Variants in ZNF385C observed in about 807,000 individuals in gnomAD.
ZNF385C encodes the protein CTD-2132N18.2.
In ZNF385C, 28 loss-of-function variants were observed where a neutral mutation model predicts 35.4. The observed-to-expected ratio is 0.79, with a 90% CI of 0.59 to 1.08. The LOEUF is 1.08. Among genes scored for constraint, ZNF385C ranks in the 50% least tolerant of loss-of-function variants. The probability of loss-of-function intolerance (pLI) is 0.00; values close to 1 mark genes in which losing one functional copy is unlikely to be tolerated. For synonymous variants in ZNF385C, 248 were observed against 248.2 expected (o/e 1.00, Z 0.01); for missense variants, 605 against 595.6 (o/e 1.02, Z -0.16).
chr17:42,074,536 C>T (rs534844919), intron 1 of ZNF385C, among the ~76,000 whole-genome samples: 13 of 152,058 alleles, frequency 8.5e-5, no homozygotes, highest in Non-Finnish European at 1.3e-4. Context: ...GGACAACAGG[C>T]GCATGCCACT....
intron 4 of ZNF385C, among the ~76,000 whole-genome samples, chr17:42,033,177 C>T (rs529930707): frequency 2.2e-4 from 34 of 152,216 alleles, no homozygotes; most frequent in African/African-American, 8.2e-4. Context: ...ATGGCCCCTC[C>T]CTGGATGCTA....
intron 2 of ZNF385C, among the ~76,000 whole-genome samples, chr17:42,059,497 C>A (rs1474313161): frequency 6.6e-6 from 1 of 152,158 alleles, no homozygotes; most frequent in African/African-American, 2.4e-5. Context: ...CCGTTCTGAC[C>A]CAGTACTGAG....
chr17:42,044,140 TAA>T (rs35206698), intron 2 of ZNF385C, among the ~76,000 whole-genome samples: 17 of 83,590 alleles, frequency 2.0e-4, no homozygotes, highest in African/African-American at 4.8e-4. Context: ...ACCCCATCTC[TAA>T]AAAAAAAAAA....
chr17:42,074,537 G>A (rs557562018), intron 1 of ZNF385C, among the ~76,000 whole-genome samples: 19 of 152,134 alleles, frequency 1.2e-4, no homozygotes, highest in Non-Finnish European at 2.4e-4. Flanking sequence ...GACAACAGGC[G>A]CATGCCACTA....
chr17:42,063,282 A>G (rs1001485068), intron 1 of ZNF385C, among the ~76,000 whole-genome samples: 1 of 152,140 alleles, frequency 6.6e-6, no homozygotes, highest in African/African-American at 2.4e-5. Flanking sequence ...TAATCCCAGC[A>G]CTTTGGGAGG....
intron 1 of ZNF385C, among the ~76,000 whole-genome samples, chr17:42,068,895 G>A (rs2053585069): frequency 6.6e-6 from 1 of 152,308 alleles, no homozygotes; most frequent in East Asian, 1.9e-4. Flanking sequence ...AGGGCTCTGG[G>A]GAGGGGCAGG....
Position 42,095,543 on chromosome 17 carries a change from GA to G in ZNF385C, c.-3+2866del, listed in dbSNP as rs1382810484. On this transcript the variant is annotated intron_variant, in intron 1 of 8. Transcript: ENST00000692273. This position sits in a 1 kb window ranked among gnomAD's most constrained non-coding sequence, Gnocchi z 4.4. ...TCTCTCCTTGCTCCTGGGGTCCAGT[GA>G]CCCACACCCTCACCACACACAGGAG... Among the ~76,000 whole-genome samples, 4 of 152,000 alleles carry G rather than the reference GA, an allele frequency of 2.6e-5. No individual in the cohort carries two copies. The East Asian group carries it at 7.7e-4, about 29-fold the overall frequency.
intron 2 of ZNF385C, among the ~76,000 whole-genome samples, chr17:42,058,887 C>A (rs1598195562): frequency 6.6e-6 from 1 of 152,218 alleles, no homozygotes; most frequent in Admixed American, 6.5e-5. Flanking sequence ...GAATTCTTGA[C>A]CTCAAGTGAT....
At chr17:42,064,211 C>T (rs1439037524) in intron 1 of ZNF385C, among the ~76,000 whole-genome samples, 2 of 152,200 alleles carry the variant, frequency 1.3e-5, no homozygotes, top group African/African-American at 2.4e-5. Flanking sequence ...CTGAAACTTG[C>T]CCTGCCTGAC....
chr17:42,038,546 G>C (rs1015979934), intron 2 of ZNF385C: 1 of 153,340 alleles, frequency 6.5e-6, no homozygotes, highest in East Asian at 1.9e-4. Flanking sequence ...TTAAAGGTCT[G>C]AGGCAAGGGC....
chr17:42,045,018 C>T (rs1288907011), intron 2 of ZNF385C, among the ~76,000 whole-genome samples: 1 of 151,508 alleles, frequency 6.6e-6, no homozygotes, highest in Non-Finnish European at 1.5e-5. Flanking sequence ...CCCGGGTTCA[C>T]ACCATTCTCC....
chr17:42,043,674 G>A (rs931836702), intron 2 of ZNF385C: 10 of 266,820 alleles, frequency 3.7e-5, no homozygotes, highest in Non-Finnish European at 6.3e-5. Context: ...GCTGAGGGGT[G>A]GAGGGACTCA....
chr17:42,027,554 G>GGGCCCCC, intron 8 of ZNF385C, 64 bp downstream of exon 8: 7 of 556,880 alleles, frequency 1.3e-5, no homozygotes, highest in East Asian at 3.4e-5. Context: ...CCCCCATCTG[G>GGGCCCCC]CCCTCCCAGC....
At chr17:42,042,764 G>T in intron 2 of ZNF385C, 1 of 1,150,540 alleles carries the variant, frequency 8.7e-7, no homozygotes, top group Non-Finnish European at 1.1e-6. Context: ...TGGCATGCTG[G>T]GGCTGTTCCC....
chr17:42,076,838 A>G (rs1598202367), intron 1 of ZNF385C, among the ~76,000 whole-genome samples: 1 of 152,144 alleles, frequency 6.6e-6, no homozygotes, highest in East Asian at 1.9e-4. Context: ...GTGAAGAGGA[A>G]GAACAAATGA....
At chr17:42,049,140 C>A (rs1286541574) in intron 2 of ZNF385C, among the ~76,000 whole-genome samples, 1 of 152,082 alleles carries the variant, frequency 6.6e-6, no homozygotes, top group East Asian at 1.9e-4. Context: ...TCCCATCCCC[C>A]GGGTCCTTTG....
At chr17:42,094,117 G>A (rs1419795867) in intron 1 of ZNF385C, among the ~76,000 whole-genome samples, 1 of 151,762 alleles carries the variant, frequency 6.6e-6, no homozygotes, top group African/African-American at 2.4e-5. Flanking sequence ...CCAAGTAGCT[G>A]AGATTACAGG....
intron 1 of ZNF385C, among the ~76,000 whole-genome samples, chr17:42,074,767 C>T (rs2143910280): frequency 6.6e-6 from 1 of 152,360 alleles, no homozygotes; most frequent in East Asian, 1.9e-4. Flanking sequence ...TCCCACAGCA[C>T]ACGCATCCTC....
chr17:42,045,067 G>A (rs1555656504), intron 2 of ZNF385C, among the ~76,000 whole-genome samples: 2 of 152,100 alleles, frequency 1.3e-5, no homozygotes, highest in Admixed American at 6.6e-5. Flanking sequence ...ACAGGCACCC[G>A]CCATCACGCC....
Sources: allele counts gnomAD v4.1 joint callset (sites outside exome capture counted in the v4.1 genomes callset), GRCh38; gene constraint gnomAD v4.1.1; non-coding constraint Gnocchi (gnomAD v3.1); transcripts MANE v1.5; gene names NCBI Gene and HGNC (gene_info 2026-07-23, HGNC 2026-07-21).